CTNNA3: variants seen among roughly 807,000 people sequenced by gnomAD.
CTNNA3 encodes catenin alpha 3, also known as catenin alpha-3.
A neutral mutation model predicts 95.7 loss-of-function variants in CTNNA3; 76 were observed. The ratio of observed to expected loss-of-function variants is 0.79; its 90% CI spans 0.66 to 0.96. The LOEUF (loss-of-function observed/expected upper bound fraction) is 0.96, where lower values mean the gene tolerates loss of function less well. Ranked by LOEUF, CTNNA3 falls within the 40% of genes least tolerant of loss-of-function variation. CTNNA3 has a pLI of 0.00. For synonymous variants in CTNNA3, 431 were observed against 374.4 expected, an observed-to-expected ratio of 1.15 and a Z score of -1.74; for missense variants, 1,191 against 1,089.8, an observed-to-expected ratio of 1.09 and a Z score of -1.31.
chr10:66,068,120 C>A (rs914021790), intron 15 of CTNNA3, among the ~76,000 whole-genome samples: 3 of 152,014 alleles, frequency 2.0e-5, no homozygotes, highest in Admixed American at 6.6e-5. Flanking sequence ...AAAGTTTTGG[C>A]AAATTTGATA....
At chr10:66,521,561 T>A (rs1235524081) in intron 10 of CTNNA3, among the ~76,000 whole-genome samples, 1 of 152,172 alleles carries the variant, frequency 6.6e-6, no homozygotes, top group Non-Finnish European at 1.5e-5. Flanking sequence ...GCAGAAGCAC[T>A]GTAATGGTGA....
chr10:67,402,395 GA>G (rs1844956387), intron 5 of CTNNA3, among the ~76,000 whole-genome samples: 1 of 152,190 alleles, frequency 6.6e-6, no homozygotes, highest in African/African-American at 2.4e-5. Context: ...CAAAAATACA[GA>G]AAAGAGAATT....
intron 6 of CTNNA3, among the ~76,000 whole-genome samples, chr10:67,215,653 G>C (rs1479755744): frequency 6.6e-6 from 1 of 152,090 alleles, no homozygotes; most frequent in Non-Finnish European, 1.5e-5. Flanking sequence ...TTTTTTCTGA[G>C]CTTCCCAGAG....
At chr10:66,696,634 C>T (rs1209718893) in intron 9 of CTNNA3, among the ~76,000 whole-genome samples, 1 of 152,042 alleles carries the variant, frequency 6.6e-6, no homozygotes, top group Non-Finnish European at 1.5e-5. Context: ...GCCTCTTAAT[C>T]ATCTAAAATA....
At chr10:66,075,821 A>T (rs773682251) in intron 14 of CTNNA3, among the ~76,000 whole-genome samples, 28 of 151,576 alleles carry the variant, frequency 1.8e-4, no homozygotes, top group Non-Finnish European at 3.5e-4. Flanking sequence ...CTTCATTAGT[A>T]GCTTTCCCTT....
intron 7 of CTNNA3, chr10:66,926,606 C>T: frequency 6.2e-7 from 1 of 1,613,416 alleles, no homozygotes. Context: ...TGTCATTTTT[C>T]TTCTTTCCTT....
chr10:66,587,623 T>C (rs1843404577), intron 10 of CTNNA3, among the ~76,000 whole-genome samples: 2 of 152,008 alleles, frequency 1.3e-5, no homozygotes, highest in African/African-American at 4.8e-5. Flanking sequence ...TTTCAGGGAG[T>C]AGCACAGCTG....
intron 5 of CTNNA3, among the ~76,000 whole-genome samples, chr10:67,432,277 C>T (rs1272980157): frequency 5.3e-5 from 8 of 151,942 alleles, no homozygotes; most frequent in Admixed American, 4.6e-4. Context: ...AAAATGTACA[C>T]TTACATTAAA....
chr10:67,438,487 T>C (rs1002810590), intron 5 of CTNNA3, among the ~76,000 whole-genome samples: 3 of 152,174 alleles, frequency 2.0e-5, no homozygotes, highest in African/African-American at 7.2e-5. Flanking sequence ...AGGAGCAAGA[T>C]GGCCAAATAG....
intron 12 of CTNNA3, among the ~76,000 whole-genome samples, chr10:66,329,676 A>G (rs1486137343): frequency 6.6e-6 from 1 of 152,138 alleles, no homozygotes; most frequent in Admixed American, 6.5e-5. Flanking sequence ...GTGAATGTGC[A>G]TCACACATAG....
At chr10:67,497,718 G>A (rs1295999909) in intron 5 of CTNNA3, among the ~76,000 whole-genome samples, 7 of 152,256 alleles carry the variant, frequency 4.6e-5, no homozygotes, top group African/African-American at 9.6e-5. Flanking sequence ...TTTCTTGGCC[G>A]CATAAATGTC....
At chr10:67,530,943 C>T (rs909629566) in intron 4 of CTNNA3, among the ~76,000 whole-genome samples, 3 of 152,236 alleles carry the variant, frequency 2.0e-5, no homozygotes, top group Non-Finnish European at 2.9e-5. Flanking sequence ...TGGGCTGTGG[C>T]TTCAGAACGC....
intron 7 of CTNNA3, among the ~76,000 whole-genome samples, chr10:66,960,384 T>C (rs922687455): frequency 2.0e-5 from 3 of 152,164 alleles, no homozygotes; most frequent in African/African-American, 7.2e-5. Context: ...AACCAGATGT[T>C]GTATGGAAAA....
At chr10:67,670,173 C>T (rs996706238) in intron 1 of CTNNA3, among the ~76,000 whole-genome samples, 1 of 152,150 alleles carries the variant, frequency 6.6e-6, no homozygotes, top group African/African-American at 2.4e-5. Flanking sequence ...GAGCAGAGAG[C>T]CACTCAGTCA....
At chr10:67,657,345 T>A (rs1840053526) in intron 1 of CTNNA3, among the ~76,000 whole-genome samples, 1 of 151,976 alleles carries the variant, frequency 6.6e-6, no homozygotes, top group African/African-American at 2.4e-5. Context: ...GAAAGAGAAA[T>A]CTGAAATGAA....
At chr10:67,470,103 T>A (rs916531901) in intron 5 of CTNNA3, among the ~76,000 whole-genome samples, 13 of 152,322 alleles carry the variant, frequency 8.5e-5, no homozygotes, top group Admixed American at 8.5e-4. Flanking sequence ...CCTCCTACTA[T>A]CCTTCCCAAC....
intron 7 of CTNNA3, among the ~76,000 whole-genome samples, chr10:67,177,430 C>T (rs1862297091): frequency 6.6e-6 from 1 of 152,168 alleles, no homozygotes; most frequent in Non-Finnish European, 1.5e-5. Context: ...CTGAAGTCCC[C>T]TTCACCTAAA....
chr10:67,258,993 T>G (rs1262028283), intron 5 of CTNNA3, among the ~76,000 whole-genome samples: 1 of 152,212 alleles, frequency 6.6e-6, no homozygotes, highest in Non-Finnish European at 1.5e-5. Flanking sequence ...CCTAATATAA[T>G]GTAACTACTA....
chr10:66,435,004 T>C (rs959668165), intron 11 of CTNNA3, among the ~76,000 whole-genome samples: 4 of 152,012 alleles, frequency 2.6e-5, no homozygotes, highest in Non-Finnish European at 4.4e-5. Context: ...CTGACTTGAT[T>C]GTGGTGGATA....
Sources: gnomAD v4.1 joint callset for allele counts (sites outside exome capture counted in the v4.1 genomes callset) on GRCh38, gnomAD v4.1.1 for gene constraint, MANE v1.5 for transcripts, NCBI Gene and HGNC (gene_info 2026-07-23, HGNC 2026-07-21) for gene names.